Variants in APOH observed in about 807,000 individuals in gnomAD.
APOH encodes beta-2-glycoprotein 1.
APOH carries 48 observed loss-of-function variants against 39.8 expected under a neutral mutation model. That is an observed-to-expected ratio of 1.21 (90% confidence interval 0.96 to 1.54). APOH has a LOEUF of 1.54. Ranked by LOEUF, APOH falls within the 40% of genes most tolerant of loss-of-function variation. The pLI, the probability that APOH is intolerant of heterozygous loss-of-function variation, is 0.00. For missense variants in APOH, 415 were observed against 421.2 expected (o/e 0.99, Z 0.13); for synonymous variants, 153 against 151.1 (o/e 1.01, Z -0.09).
Position 66,216,948 on chromosome 17 carries a change from T to C in APOH, c.624A>G (p.Pro208=), listed in dbSNP as rs1241867459. 1 of 1,601,994 alleles carries C rather than the reference T, an allele frequency of 6.2e-7. No individual in the cohort carries two copies. Among genetic ancestry groups the C allele is most frequent in the Non-Finnish European group, 8.5e-7 (1 of 1,175,512 alleles). The change falls in exon 6 of 8, where the codon CCA becomes CCG. Residue 208 remains proline, a synonymous_variant. Transcript: ENST00000205948. ...TCACAAATCCATTGTCTGGTCTTGA[T>C]GGGAATGGGCATTTTACTTCTAAAA... ...PECREVKCPF[P]SRPDNGFVNY... is the part of the protein sequence containing the mutation.
chr17:66,226,324 A>T (rs1287642616), intron 2 of APOH, among the ~76,000 whole-genome samples, 200 bp from the exon 3 acceptor site: 1 of 152,256 alleles, frequency 6.6e-6, no homozygotes, highest in Non-Finnish European at 1.5e-5. Flanking sequence ...AGCGTTCATT[A>T]TACTGTTTCT....
chr17:66,222,247 G>A (rs193255190), intron 4 of APOH, among the ~76,000 whole-genome samples: 5 of 152,040 alleles, frequency 3.3e-5, no homozygotes, highest in Admixed American at 2.0e-4. Context: ...AAACTAGCCA[G>A]ATCTGGTGGC....
In APOH at chr17:66,214,520, C is replaced by G. The variant is rs1363980086; in HGVS notation, c.915G>C (p.Lys305Asn). The change falls in exon 7 of 8, where the codon AAG becomes AAC. Residue 305 changes from lysine to asparagine, a missense_variant. Physicochemically the swap from Lys to Asn is moderately conservative, Grantham distance 94. Transcript: ENST00000205948. ...GAGCATCCTCTGTATAGCTACACTT[C>G]TTTTCCTTATTTTTGCAGAAGAAAG... ...KVSFFCKNKEKKCSYTEDAQC... is the reference protein window; with the variant it reads ...KVSFFCKNKENKCSYTEDAQC... 1.2e-6 allele frequency: 2 copies of G among 1,614,184 alleles called. No homozygotes were observed. Among genetic ancestry groups the G allele is most frequent in the Non-Finnish European group, 1.7e-6 (2 of 1,180,016 alleles).
intron 2 of APOH, 26 bp downstream of exon 2, chr17:66,227,994 G>C (rs1392193564): frequency 6.3e-7 from 1 of 1,597,414 alleles, no homozygotes; most frequent in Non-Finnish European, 8.5e-7. Context: ...TGAGGGAAGA[G>C]AATGTGAGAG....
At chr17:66,213,873 G>A (rs1346192352) in intron 7 of APOH, among the ~76,000 whole-genome samples, 1 of 152,050 alleles carries the variant, frequency 6.6e-6, no homozygotes, top group East Asian at 1.9e-4. Context: ...AGAAAGTAGA[G>A]GCTGCAATGA....
At chr17:66,229,251 G>T in intron 1 of APOH, 65 bp downstream of exon 1, 1 of 1,335,660 alleles carries the variant, frequency 7.5e-7, no homozygotes, top group Non-Finnish European at 1.1e-6. Flanking sequence ...TATCATTATT[G>T]ATCCCTGACA....
Position 66,214,536 on chromosome 17 carries a change from C to G in APOH, c.899G>C (p.Cys300Ser), listed in dbSNP as rs1184411447. 1.9e-6 allele frequency: 3 copies of G among 1,614,056 alleles called. No individual in the cohort carries two copies. The South Asian group carries it at 3.3e-5, about 18-fold the overall frequency. The change falls in exon 7 of 8, where the codon TGC becomes TCC. Residue 300 changes from cysteine to serine, a missense_variant. Physicochemically the swap from Cys to Ser is moderately radical, Grantham distance 112. Transcript: ENST00000205948. ...MLHGDKVSFF[C>S]KNKEKKCSYT... ...GCTACACTTCTTTTCCTTATTTTTG[C>G]AGAAGAAAGAAACTTTATCACCATG...
At chr17:66,221,314 GAAGA>G (rs1472713111) in intron 4 of APOH, among the ~76,000 whole-genome samples, 2 of 122,454 alleles carry the variant, frequency 1.6e-5, no homozygotes, top group Non-Finnish European at 3.4e-5. Flanking sequence ...GGGAGGGAGG[GAAGA>G]AAGGAAGGAA....
Position 66,224,678 on chromosome 17 carries a change from G to GA in APOH, c.339-905dup, listed in dbSNP as rs1567741757. Among the ~76,000 whole-genome samples the GA allele has an allele frequency of 9.1e-3, 461 of 50,806 alleles. 18 individuals are homozygous for GA. Among genetic ancestry groups the GA allele is most frequent in the Non-Finnish European group, 9.6e-3 (273 of 28,362 alleles). 33.3% of individuals were successfully genotyped at this position (50,806 alleles called of 152,430 possible). ...GAAGGGAAGGGAAGGGAAGGGAAGGGAAGGGAAGGGAAGGGAAAGGAAAGG... is the reference window on the plus strand; with the variant it reads ...GAAGGGAAGGGAAGGGAAGGGAAGGGAAAGGGAAGGGAAGGGAAAGGAAAGG... On this transcript the variant is annotated intron_variant, in intron 3 of 7. Transcript: ENST00000205948.
At chr17:66,215,429 T>C (rs2073359098) in intron 6 of APOH, among the ~76,000 whole-genome samples, 1 of 152,240 alleles carries the variant, frequency 6.6e-6, no homozygotes, top group South Asian at 2.1e-4. Context: ...CAGGTGTTGC[T>C]GATCCACAGC....
intron 2 of APOH, among the ~76,000 whole-genome samples, chr17:66,226,976 C>T (rs1480009013): frequency 6.6e-6 from 1 of 151,900 alleles, no homozygotes; most frequent in Non-Finnish European, 1.5e-5. Context: ...ACAACCTCTG[C>T]CTCCCAGGTG....
chr17:66,217,804 G>A (rs1403290880), intron 5 of APOH, among the ~76,000 whole-genome samples: 1 of 152,054 alleles, frequency 6.6e-6, no homozygotes, highest in Non-Finnish European at 1.5e-5. Flanking sequence ...TTAGCCGGGT[G>A]TGGTGGCATG....
chr17:66,215,333 T>C (rs1255050037), intron 6 of APOH, among the ~76,000 whole-genome samples: 9 of 152,202 alleles, frequency 5.9e-5, no homozygotes, highest in Non-Finnish European at 1.3e-4. Context: ...CTGGCATAAA[T>C]GCAAATTGTC....
At chr17:66,226,844 A>T (rs929572950) in intron 2 of APOH, among the ~76,000 whole-genome samples, 4 of 152,048 alleles carry the variant, frequency 2.6e-5, no homozygotes, top group Admixed American at 2.0e-4. Flanking sequence ...AAAAAAATGA[A>T]ATTTTTAGTG....
intron 3 of APOH, among the ~76,000 whole-genome samples, chr17:66,225,633 G>A (rs2073434664): frequency 6.6e-6 from 1 of 152,168 alleles, no homozygotes; most frequent in Non-Finnish European, 1.5e-5. Flanking sequence ...TATTGCACTA[G>A]TTGTTATATT....
rs566843056 is a variant in APOH, at chr17:66,222,181, A to G, written c.416-1439T>C. Among the ~76,000 whole-genome samples, 125 of 152,270 alleles carry G rather than the reference A, an allele frequency of 8.2e-4. 1 individual carries two copies. The highest frequency in any genetic ancestry group is 5.1e-4 in the Non-Finnish European group (35 of 68,026). ...GCAGGTAAGGTTGCTTGAAACCAAGAGTTCAAGACCAGTCTGGGCAACAGA... is the reference window on the plus strand; with the variant it reads ...GCAGGTAAGGTTGCTTGAAACCAAGGGTTCAAGACCAGTCTGGGCAACAGA... On this transcript the variant is annotated intron_variant, in intron 4 of 7. Coordinates refer to ENST00000205948, the MANE Select transcript of APOH (RefSeq NM_000042.3).
At chr17:66,221,276 A>C in intron 4 of APOH, among the ~76,000 whole-genome samples, 1 of 138,178 alleles carries the variant, frequency 7.2e-6, no homozygotes, top group Admixed American at 7.2e-5. Context: ...AAAGGAAGGA[A>C]GGAAGGAAGG....
At chr17:66,214,129 G>A (rs1391613645) in intron 7 of APOH, among the ~76,000 whole-genome samples, 9 of 152,010 alleles carry the variant, frequency 5.9e-5, no homozygotes, top group African/African-American at 2.2e-4. Context: ...GCGCGATCTC[G>A]GCTCACTGCA....
intron 1 of APOH, chr17:66,228,490 A>G (rs979343131): frequency 1.0e-5 from 3 of 294,208 alleles, no homozygotes; most frequent in Non-Finnish European, 1.3e-5. Flanking sequence ...CAGTCCCTCC[A>G]GCATCCACTC....
Sources: allele counts gnomAD v4.1 joint callset (sites outside exome capture counted in the v4.1 genomes callset), GRCh38; gene constraint gnomAD v4.1.1; transcripts MANE v1.5; gene names NCBI Gene and HGNC (gene_info 2026-07-23, HGNC 2026-07-21).